The following GFRA2 variants were observed in gnomAD, a reference collection of about 807,000 sequenced individuals.
GFRA2 encodes GDNF family receptor alpha-2.
Under a neutral mutation model 48.3 loss-of-function variants are expected in GFRA2, and 17 were observed. That is an observed-to-expected ratio of 0.35 (90% CI 0.24 to 0.53). The LOEUF is 0.53. Among genes scored for constraint, GFRA2 ranks in the 20% least tolerant of loss-of-function variants. The probability of loss-of-function intolerance (pLI) is 0.93; values close to 1 mark genes in which losing one functional copy is unlikely to be tolerated. For synonymous variants in GFRA2, 305 were observed against 257.2 expected (o/e 1.19, Z -1.78); for missense variants, 660 against 637.3 (o/e 1.04, Z -0.38).
chr8:21,702,303 A>G (rs1585227793), intron 7 of GFRA2, among the ~76,000 whole-genome samples: 1 of 152,146 alleles, frequency 6.6e-6, no homozygotes, highest in Non-Finnish European at 1.5e-5. Context: ...GGGAGCCCAC[A>G]AGGGAGGGGG....
At chr8:21,733,136 C>G (rs575553184) in intron 4 of GFRA2, among the ~76,000 whole-genome samples, 1 of 152,240 alleles carries the variant, frequency 6.6e-6, no homozygotes, top group South Asian at 2.1e-4. Context: ...ATGGCCTGCT[C>G]GTTTGTGAGA....
intron 3 of GFRA2, among the ~76,000 whole-genome samples, chr8:21,773,713 G>A (rs1478228527): frequency 2.0e-5 from 3 of 152,184 alleles, no homozygotes; most frequent in Non-Finnish European, 4.4e-5. Flanking sequence ...GAATGGTTGA[G>A]AAACATGGTC....
chr8:21,726,626 C>T (rs1233032737), intron 4 of GFRA2, among the ~76,000 whole-genome samples: 1 of 152,124 alleles, frequency 6.6e-6, no homozygotes, highest in African/African-American at 2.4e-5. Context: ...CTGTGTCCAT[C>T]ATCTCACCAT....
At chr8:21,766,172 T>C (rs539539542) in intron 3 of GFRA2, among the ~76,000 whole-genome samples, 3 of 152,128 alleles carry the variant, frequency 2.0e-5, no homozygotes, top group South Asian at 2.1e-4. Flanking sequence ...GGCCTTTCGC[T>C]AGCTGTTCCA....
chr8:21,735,763 C>A (rs1231941877), intron 4 of GFRA2, among the ~76,000 whole-genome samples: 2 of 152,060 alleles, frequency 1.3e-5, no homozygotes, highest in Non-Finnish European at 2.9e-5. Flanking sequence ...ACCTCCAGGG[C>A]TCGAGCCGTC....
chr8:21,763,970 C>CACACACACAA (rs1806033638), intron 3 of GFRA2, among the ~76,000 whole-genome samples: 1 of 88,972 alleles, frequency 1.1e-5, no homozygotes, highest in East Asian at 3.2e-4. Flanking sequence ...CACACACACA[C>CACACACACAA]ACACACACAC....
At chr8:21,793,481 C>T (rs7816436), upstream of GFRA2, among the ~76,000 whole-genome samples, 69,642 of 151,930 alleles carry the variant, frequency 0.46, 16,469 homozygotes, top group African/African-American at 0.57. Context: ...ACCAGCCTAG[C>T]GGCTCAGCCT....
chr8:21,797,072 T>A (rs1158298919), intron 2 of GFRA2, among the ~76,000 whole-genome samples: 2 of 152,162 alleles, frequency 1.3e-5, no homozygotes, highest in Non-Finnish European at 2.9e-5. Flanking sequence ...TGGGCCAAGG[T>A]GTCCTAACTA....
chr8:21,745,190 G>A lies in GFRA2; in HGVS notation c.794+5398C>T, dbSNP rs146813009. Among the ~76,000 whole-genome samples the A allele has an allele frequency of 2.6e-4, 39 of 152,302 alleles. No individual in the cohort carries two copies. In the East Asian group the frequency reaches 5.8e-3, roughly 23 times the overall value. ...CACGCAGTGTGCCACACGGCGAATC[G>A]ATGTGCTTGCTTTCATGTGGTGCCA... On this transcript the variant is annotated intron_variant, in intron 4 of 8. Coordinates refer to ENST00000524240, the MANE Select transcript of GFRA2 (RefSeq NM_001495.5).
At chr8:21,739,594 G>C (rs76752355) in intron 4 of GFRA2, among the ~76,000 whole-genome samples, 15,086 of 152,156 alleles carry the variant, frequency 0.099, 2,265 homozygotes, top group African/African-American at 0.33. Context: ...CTGAAGCTGA[G>C]AGCTGGATCC....
upstream of GFRA2, among the ~76,000 whole-genome samples, chr8:21,790,691 T>A (rs1807553382): frequency 6.6e-6 from 1 of 152,196 alleles, no homozygotes; most frequent in East Asian, 1.9e-4. Flanking sequence ...AGCTGGGTAG[T>A]GACGAGTCTG....
chr8:21,808,671 G>A (rs1321881815), intron 1 of GFRA2, among the ~76,000 whole-genome samples: 3 of 152,222 alleles, frequency 2.0e-5, no homozygotes, highest in African/African-American at 7.2e-5. Flanking sequence ...ATCCAGAGGA[G>A]CTGAAGTCTC....
chr8:21,763,953 ACACAC>A (rs1806032187), intron 3 of GFRA2, among the ~76,000 whole-genome samples: 1 of 218 alleles, frequency 4.6e-3, no homozygotes, highest in Admixed American at 0.029. Context: ...ACTAGGTAAC[ACACAC>A]ACACACACAC....
intron 2 of GFRA2, among the ~76,000 whole-genome samples, chr8:21,793,986 C>T (rs963627311): frequency 2.6e-5 from 4 of 151,636 alleles, no homozygotes; most frequent in Non-Finnish European, 5.9e-5. Context: ...CCCTCAGCCT[C>T]CCTAGTTGCT....
intron 4 of GFRA2, among the ~76,000 whole-genome samples, chr8:21,741,061 A>C (rs1781125466): frequency 6.6e-6 from 1 of 152,098 alleles, no homozygotes; most frequent in Non-Finnish European, 1.5e-5. Flanking sequence ...CTCCTCCCTT[A>C]ATTCTCCACA....
rs751134908 is a variant in GFRA2, at chr8:21,750,917, G to T, written c.465C>A (p.Ser155Arg). ...CATCCAGGCAATGGTTGCTCTTGGC[G>T]CTGACCACCGGGTCTGCCCCTGTCC... ...FSGTGADPVV[S>R]AKSNHCLDAA... The change falls in exon 4 of 9, where the codon AGC (serine) becomes AGA (arginine). Residue 155 changes from serine to arginine, a missense_variant. Physicochemically the swap from Ser to Arg is moderately radical, Grantham distance 110. Coordinates refer to ENST00000524240, the MANE Select transcript of GFRA2 (RefSeq NM_001495.5). The surrounding 1 kb of genome is among the most constrained non-coding windows in gnomAD (Gnocchi z 5.7). 1 of 1,612,744 alleles carries T rather than the reference G, an allele frequency of 6.2e-7. No homozygotes were observed. Among genetic ancestry groups the T allele is most frequent in the East Asian group, 2.2e-5 (1 of 44,812 alleles).
chr8:21,724,203 A>G (rs1206354328), intron 4 of GFRA2, among the ~76,000 whole-genome samples: 1 of 152,018 alleles, frequency 6.6e-6, no homozygotes, highest in Non-Finnish European at 1.5e-5. Context: ...AGAGCCTGAC[A>G]GTATCTCCCT....
At chr8:21,804,297 C>A (rs1751468397) in intron 2 of GFRA2, among the ~76,000 whole-genome samples, 1 of 151,940 alleles carries the variant, frequency 6.6e-6, no homozygotes, top group Admixed American at 6.6e-5. Flanking sequence ...AGTTACATAA[C>A]CTTAGGTAAG....
chr8:21,756,191 G>T (rs896278946), intron 3 of GFRA2, among the ~76,000 whole-genome samples: 4 of 152,208 alleles, frequency 2.6e-5, no homozygotes, highest in Non-Finnish European at 5.9e-5. Flanking sequence ...AGCTAGTGCT[G>T]GTGTAATTAT....
Sources: allele counts gnomAD v4.1 joint callset (sites outside exome capture counted in the v4.1 genomes callset), GRCh38; gene constraint gnomAD v4.1.1; non-coding constraint Gnocchi (gnomAD v3.1); transcripts MANE v1.5; gene names NCBI Gene and HGNC (gene_info 2026-07-23, HGNC 2026-07-21).